Variants in UNC79 observed in about 807,000 individuals in gnomAD.
The protein encoded by UNC79 is protein unc-79 homolog.
In UNC79, 37 loss-of-function variants were observed where a neutral mutation model predicts 283.1. The ratio of observed to expected loss-of-function variants is 0.13; its 90% CI spans 0.10 to 0.17. The LOEUF (loss-of-function observed/expected upper bound fraction) is 0.17. Ranked by LOEUF, UNC79 falls within the 10% of genes least tolerant of loss-of-function variation. UNC79 has a pLI of 1.00. For synonymous variants in UNC79, 1,107 were observed against 1,200.2 expected (o/e 0.92, Z 1.61); for missense variants, 2,272 against 3,211.1 (o/e 0.71, Z 7.07).
At chr14:93,655,838 T>C (rs1004828991) in intron 38 of UNC79, among the ~76,000 whole-genome samples, 1 of 152,156 alleles carries the variant, frequency 6.6e-6, no homozygotes, top group Non-Finnish European at 1.5e-5. Flanking sequence ...TGAATGATGA[T>C]GTTTCTGCTT....
At chr14:93,347,391 C>A in intron 1 of UNC79, 1 of 1,533,346 alleles carries the variant, frequency 6.5e-7, no homozygotes, top group East Asian at 2.4e-5. Flanking sequence ...CCCTGTCTGC[C>A]GCGGTGAGTT....
chr14:93,343,472 G>T (rs535278211), intron 1 of UNC79, among the ~76,000 whole-genome samples: 1 of 152,278 alleles, frequency 6.6e-6, no homozygotes, highest in Non-Finnish European at 1.5e-5. Context: ...GATCATTGAG[G>T]TTGTGCAATT....
intron 35 of UNC79, among the ~76,000 whole-genome samples, chr14:93,647,536 A>G (rs919658941): frequency 1.3e-5 from 2 of 152,214 alleles, no homozygotes; most frequent in African/African-American, 4.8e-5. Flanking sequence ...GGAGCAGCAA[A>G]TACAAAGTCT....
chr14:93,431,554 G>C (rs1297659307), intron 1 of UNC79, among the ~76,000 whole-genome samples: 2 of 152,114 alleles, frequency 1.3e-5, no homozygotes, highest in Non-Finnish European at 2.9e-5. Flanking sequence ...AGGGAGAGAA[G>C]GGGGAGGGAG....
At chr14:93,581,484 C>CTTTTT (rs569060513) in intron 19 of UNC79, among the ~76,000 whole-genome samples, 6 of 100,664 alleles carry the variant, frequency 6.0e-5, no homozygotes, top group African/African-American at 1.4e-4. Context: ...GTATTTGCAT[C>CTTTTT]TTTTTTTTTT....
intron 1 of UNC79, among the ~76,000 whole-genome samples, chr14:93,431,301 G>A (rs116149956): frequency 0.013 from 1,933 of 152,056 alleles, 45 homozygotes; most frequent in African/African-American, 0.044. Flanking sequence ...TCAAGACTCA[G>A]AGACCCTGCG....
At chr14:93,586,976 G>T in intron 22 of UNC79, 68 bp downstream of exon 22, 1 of 1,565,982 alleles carries the variant, frequency 6.4e-7, no homozygotes, top group Non-Finnish European at 8.6e-7. Flanking sequence ...ATTAAAGTTA[G>T]ATTAAGATTT....
At chr14:93,386,927 C>CTTTTTTTTTTTTTTTTTTT (rs35267402) in intron 1 of UNC79, among the ~76,000 whole-genome samples, 2 of 27,162 alleles carry the variant, frequency 7.4e-5, no homozygotes, top group Admixed American at 6.2e-4. Flanking sequence ...TGTATTTCTG[C>CTTTTTTTTTTTTTTTTTTT]TTTTTTTTTT....
At position 93,404,493 on chromosome 14, in the gene UNC79, A is replaced by AAAAAAAAAAATATATAT; in HGVS notation, c.-350-63177_-350-63176insAAAAAAAAATATATATA. On this transcript the variant is annotated intron_variant, in intron 1 of 49. Transcript: ENST00000256339. ...TGACAGAGTGAGACCTTCTAAAAAA[A>AAAAAAAAAAATATATAT]ATATATATATATATATATATAAATA... Among the ~76,000 whole-genome samples, 28 of 61,500 alleles carry AAAAAAAAAAATATATAT rather than the reference A, an allele frequency of 4.6e-4. 3 individuals carry two copies. The highest frequency in any genetic ancestry group is 2.6e-3 in the Admixed American group (11 of 4,234). 40.3% of individuals were successfully genotyped at this position (61,500 alleles called of 152,430 possible). A position where few individuals can be genotyped will look rare whatever the true frequency, so the allele number is the denominator to read the frequency against.
chr14:93,701,777 A>G (rs192200898), intron 47 of UNC79, among the ~76,000 whole-genome samples: 443 of 152,374 alleles, frequency 2.9e-3, no homozygotes, highest in African/African-American at 0.01. Flanking sequence ...TTTGCAAATC[A>G]CAAACCTGAA....
intron 20 of UNC79, among the ~76,000 whole-genome samples, chr14:93,585,911 T>C (rs2064193003): frequency 6.7e-6 from 1 of 149,832 alleles, no homozygotes; most frequent in South Asian, 2.1e-4. Context: ...AGACTGAGTC[T>C]TGCTCTATTG....
intron 1 of UNC79, among the ~76,000 whole-genome samples, chr14:93,393,901 C>T (rs1372298733): frequency 6.6e-6 from 1 of 151,900 alleles, no homozygotes; most frequent in East Asian, 1.9e-4. Context: ...TTACTATTGT[C>T]CCCTAACCTC....
At chr14:93,443,659 G>A (rs999376345) in intron 1 of UNC79, among the ~76,000 whole-genome samples, 5 of 152,026 alleles carry the variant, frequency 3.3e-5, no homozygotes, top group African/African-American at 9.7e-5. Context: ...TCCTGACCTC[G>A]TGATCCACCT....
chr14:93,415,268 T>C (rs1435119662), intron 1 of UNC79, among the ~76,000 whole-genome samples: 1 of 152,224 alleles, frequency 6.6e-6, no homozygotes, highest in African/African-American at 2.4e-5. Context: ...CTTCATCTAT[T>C]GAGATAATCA....
intron 8 of UNC79, among the ~76,000 whole-genome samples, chr14:93,525,025 A>G (rs1286134327): frequency 6.6e-6 from 1 of 152,240 alleles, no homozygotes; most frequent in African/African-American, 2.4e-5. Flanking sequence ...CATGAACCAA[A>G]AACTGGCAGA....
At chr14:93,545,679 A>G (rs1285629477) in intron 14 of UNC79, among the ~76,000 whole-genome samples, 1 of 152,186 alleles carries the variant, frequency 6.6e-6, no homozygotes, top group East Asian at 1.9e-4. Context: ...ATTCCATGCA[A>G]TTCACAAATA....
intron 5 of UNC79, among the ~76,000 whole-genome samples, chr14:93,488,101 C>T (rs1407933157): frequency 2.6e-5 from 4 of 152,208 alleles, no homozygotes; most frequent in Non-Finnish European, 2.9e-5. Flanking sequence ...TACCCCAATA[C>T]ACCCAAGTAT....
At chr14:93,424,930 G>A (rs1362497122) in intron 1 of UNC79, among the ~76,000 whole-genome samples, 6 of 152,066 alleles carry the variant, frequency 3.9e-5, no homozygotes, top group African/African-American at 1.2e-4. Context: ...ACCCTGATGT[G>A]CGTATTACAC....
intron 1 of UNC79, among the ~76,000 whole-genome samples, chr14:93,379,979 A>G (rs2054634500): frequency 6.6e-6 from 1 of 152,200 alleles, no homozygotes. Flanking sequence ...ACAGACCAGA[A>G]TTTCAGTCCC....
Sources: gnomAD v4.1 joint callset for allele counts (sites outside exome capture counted in the v4.1 genomes callset) on GRCh38, gnomAD v4.1.1 for gene constraint, MANE v1.5 for transcripts, NCBI Gene and HGNC (gene_info 2026-07-23, HGNC 2026-07-21) for gene names.